Variants in ADISSP observed in about 807,000 individuals in gnomAD.
The protein encoded by ADISSP is adipose secreted signaling protein.
the ADISSP span, among the ~76,000 whole-genome samples, chr20:3,757,026 A>AAAATAAATAAATAAATAAAAAAAT: frequency 6.6e-6 from 1 of 150,924 alleles, no homozygotes; most frequent in Non-Finnish European, 1.5e-5. Context: ...TGTTTTCAGA[A>AAAATAAATAAATAAATAAAAAAAT]AAATAAATAA....
At chr20:3,754,196 C>A in the ADISSP span, 1 of 1,575,510 alleles carries the variant, frequency 6.3e-7, no homozygotes, top group African/African-American at 1.3e-5. Context: ...ATGCTGGCCC[C>A]CGGCCCCACC....
the ADISSP span, among the ~76,000 whole-genome samples, chr20:3,757,117 G>T: frequency 1.3e-5 from 2 of 152,260 alleles, no homozygotes; most frequent in East Asian, 3.9e-4. Context: ...TTGGGAGGCC[G>T]ACACGGACGG....
the ADISSP span, chr20:3,758,481 G>C: frequency 7.0e-6 from 11 of 1,566,750 alleles, no homozygotes; most frequent in East Asian, 4.5e-5. This position sits in a 1 kb window ranked among gnomAD's most constrained non-coding sequence, Gnocchi z 5.5. Flanking sequence ...GCACCCAGAA[G>C]CCAGGCAGAG....
At chr20:3,757,325 G>GC in the ADISSP span, among the ~76,000 whole-genome samples, 1 of 152,006 alleles carries the variant, frequency 6.6e-6, no homozygotes, top group Non-Finnish European at 1.5e-5. Flanking sequence ...ACTCCAGCCT[G>GC]GAGACAGCAA....
the ADISSP span, among the ~76,000 whole-genome samples, chr20:3,762,615 G>T: frequency 6.6e-6 from 1 of 152,188 alleles, no homozygotes; most frequent in Non-Finnish European, 1.5e-5. Flanking sequence ...GCCTCCCAAA[G>T]TGCTGGGATT....
At chr20:3,767,509 G>A in the ADISSP span, 1 of 152,752 alleles carries the variant, frequency 6.5e-6, no homozygotes, top group Admixed American at 6.5e-5. Flanking sequence ...GAGTCCTCCA[G>A]GCCCGGCCCC....
At chr20:3,763,510 T>C in the ADISSP span, among the ~76,000 whole-genome samples, 1 of 149,766 alleles carries the variant, frequency 6.7e-6, no homozygotes, top group African/African-American at 2.5e-5. Flanking sequence ...TGAGCCGAGA[T>C]TGCGCCACTG....
At chr20:3,760,032 G>A in the ADISSP span, 1 of 1,610,386 alleles carries the variant, frequency 6.2e-7, no homozygotes, top group South Asian at 1.1e-5. Context: ...TCCTACCAGG[G>A]CCCACCGGAA....
the ADISSP span, among the ~76,000 whole-genome samples, chr20:3,761,819 C>G: frequency 6.6e-6 from 1 of 152,194 alleles, no homozygotes; most frequent in Non-Finnish European, 1.5e-5. Flanking sequence ...AAGGTTTAAC[C>G]TGGAATCTAA....
chr20:3,758,523 G>C, the ADISSP span: 3 of 1,607,782 alleles, frequency 1.9e-6, no homozygotes, highest in Non-Finnish European at 1.7e-6. This position sits in a 1 kb window ranked among gnomAD's most constrained non-coding sequence, Gnocchi z 5.5. Context: ...TGATGGGGTA[G>C]GTGTGCATGT....
chr20:3,760,678 G>A, the ADISSP span, among the ~76,000 whole-genome samples: 1 of 152,212 alleles, frequency 6.6e-6, no homozygotes, highest in South Asian at 2.1e-4. Flanking sequence ...CATAAAGTAA[G>A]CGTGCCCTTA....
At chr20:3,763,419 G>A in the ADISSP span, among the ~76,000 whole-genome samples, 10 of 150,068 alleles carry the variant, frequency 6.7e-5, no homozygotes, top group East Asian at 4.0e-4. Flanking sequence ...TTAGCCAGGC[G>A]TGGTGGCGCA....
the ADISSP span, chr20:3,755,367 C>G: frequency 8.9e-7 from 1 of 1,121,534 alleles, no homozygotes. Flanking sequence ...GTGCCACATC[C>G]CCGACTTGCT....
At chr20:3,761,930 A>C in the ADISSP span, among the ~76,000 whole-genome samples, 2 of 152,254 alleles carry the variant, frequency 1.3e-5, no homozygotes, top group African/African-American at 4.8e-5. Flanking sequence ...CCCAGAAGGC[A>C]GGATATTCTA....
chr20:3,767,785 A>G, the ADISSP span: 1 of 152,400 alleles, frequency 6.6e-6, no homozygotes. Context: ...TCCCGTCGGC[A>G]CGCCCCCGCC....
At chr20:3,759,219 A>G in the ADISSP span, among the ~76,000 whole-genome samples, 1 of 152,116 alleles carries the variant, frequency 6.6e-6, no homozygotes, top group Non-Finnish European at 1.5e-5. This position sits in a 1 kb window ranked among gnomAD's most constrained non-coding sequence, Gnocchi z 4.6. Flanking sequence ...AAACACACTC[A>G]GGCCACCTGG....
chr20:3,754,668 G>T, the ADISSP span: 1 of 789,720 alleles, frequency 1.3e-6, no homozygotes. Context: ...CTGGAGCCCA[G>T]AGACCCATTC....
chr20:3,765,180 G>C, the ADISSP span, among the ~76,000 whole-genome samples: 1 of 152,172 alleles, frequency 6.6e-6, no homozygotes, highest in East Asian at 1.9e-4. Flanking sequence ...CGCTGTCCTC[G>C]GGGAGCTAGA....
chr20:3,753,834 G>A, the ADISSP span: 15 of 587,202 alleles, frequency 2.6e-5, no homozygotes, highest in African/African-American at 1.7e-4. Context: ...CATTTCTTCC[G>A]GCAGGAGACT....
Sources: allele counts gnomAD v4.1 joint callset (sites outside exome capture counted in the v4.1 genomes callset), GRCh38; gene constraint gnomAD v4.1.1; non-coding constraint Gnocchi (gnomAD v3.1); transcripts MANE v1.5; gene names NCBI Gene and HGNC (gene_info 2026-07-23, HGNC 2026-07-21).